The following GABRG1 variants were observed in gnomAD, a reference collection of about 807,000 sequenced individuals.
The protein encoded by GABRG1 is gamma-aminobutyric acid receptor subunit gamma-1.
GABRG1 carries 49 observed loss-of-function variants against 49.8 expected under a neutral mutation model. The observed-to-expected ratio is 0.98, with a 90% CI of 0.78 to 1.25. The LOEUF is 1.25. GABRG1 is among the 50% of genes most tolerant of loss of function. The pLI is 0.00. For synonymous variants in GABRG1, 232 were observed against 185.1 expected (o/e 1.25, Z -2.06); for missense variants, 552 against 552.3 (o/e 1.00, Z 0.01).
chr4:46,085,360 A>C (rs1719719202), intron 2 of GABRG1, among the ~76,000 whole-genome samples: 1 of 151,618 alleles, frequency 6.6e-6, no homozygotes, highest in Non-Finnish European at 1.5e-5. Flanking sequence ...GTTACATAGA[A>C]GCAGAGATAC....
chr4:46,097,319 CTCA>C lies in GABRG1; in HGVS notation c.132_134del (p.Asp44del). On this transcript the variant is annotated inframe_deletion, in exon 2 of 9. Transcript: ENST00000295452. ...CCCAGGTTTTGTTCACCGTTAAATC[CTCA>C]TCATCTTCATCATCTGCCTTATCAA... 1 of 1,608,832 alleles carries C rather than the reference CTCA, an allele frequency of 6.2e-7. No individual in the cohort carries two copies. The highest frequency in any genetic ancestry group is 8.5e-7 in the Non-Finnish European group (1 of 1,177,122).
chr4:46,119,024 TTAAAA>T (rs1235268846), intron 1 of GABRG1, among the ~76,000 whole-genome samples: 2 of 151,280 alleles, frequency 1.3e-5, no homozygotes, highest in Non-Finnish European at 3.0e-5. Context: ...ATAGCATCCT[TTAAAA>T]TAAGATAACC....
chr4:46,076,361 TCATATATATATATATATATA>T (rs1203327495), intron 3 of GABRG1, among the ~76,000 whole-genome samples: 1,727 of 78,144 alleles, frequency 0.022, 57 homozygotes, highest in Middle Eastern at 0.07. Flanking sequence ...TAGGTCATGT[TCATATATATATATATATATA>T]TATATATATA....
chr4:46,118,138 A>G (rs1439861324), intron 1 of GABRG1, among the ~76,000 whole-genome samples: 5 of 145,840 alleles, frequency 3.4e-5, no homozygotes, highest in African/African-American at 1.0e-4. Context: ...GTGTGTATAT[A>G]TATATATACA....
At chr4:46,103,395 T>C (rs1720444742) in intron 1 of GABRG1, among the ~76,000 whole-genome samples, 1 of 151,562 alleles carries the variant, frequency 6.6e-6, no homozygotes, top group Non-Finnish European at 1.5e-5. Context: ...TTGTCACTGG[T>C]ACTTCCTCAT....
intron 7 of GABRG1, among the ~76,000 whole-genome samples, chr4:46,056,105 A>T: frequency 3.2e-5 from 1 of 31,582 alleles, no homozygotes; most frequent in South Asian, 5.8e-4. Flanking sequence ...AGAGTATAAT[A>T]AAAAAAAAAA....
intron 1 of GABRG1, among the ~76,000 whole-genome samples, chr4:46,103,672 A>AAATC (rs1720451718): frequency 6.6e-6 from 1 of 151,428 alleles, no homozygotes; most frequent in African/African-American, 2.4e-5. Context: ...ATATGTTCAG[A>AAATC]AATCATGACT....
chr4:46,109,445 A>G (rs1720654007), intron 1 of GABRG1, among the ~76,000 whole-genome samples: 1 of 150,590 alleles, frequency 6.6e-6, no homozygotes, highest in African/African-American at 2.4e-5. Context: ...TCAGTCCATC[A>G]ATCTTGTTTA....
At chr4:46,056,766 GAT>G (rs2109401789) in intron 7 of GABRG1, among the ~76,000 whole-genome samples, 1 of 152,206 alleles carries the variant, frequency 6.6e-6, no homozygotes, top group Admixed American at 6.6e-5. Context: ...GTCTTGCAGT[GAT>G]ATGTGTGTGC....
chr4:46,107,910 T>A (rs1253851930), intron 1 of GABRG1, among the ~76,000 whole-genome samples: 1 of 151,188 alleles, frequency 6.6e-6, no homozygotes, highest in Non-Finnish European at 1.5e-5. Context: ...AATAATAGAA[T>A]AAGTATTTAC....
intron 3 of GABRG1, 148 bp from the exon 4 acceptor site, chr4:46,065,732 T>TG (rs1718892852): frequency 1.9e-6 from 1 of 520,672 alleles, no homozygotes; most frequent in Non-Finnish European, 3.4e-6. Flanking sequence ...TATTTTAAAC[T>TG]TTTTTTTTGA....
At chr4:46,118,101 T>C (rs1720981858) in intron 1 of GABRG1, among the ~76,000 whole-genome samples, 1 of 141,782 alleles carries the variant, frequency 7.1e-6, no homozygotes, top group Non-Finnish European at 1.5e-5. Flanking sequence ...TATACATATG[T>C]GTGTATATAT....
rs374524456 is a variant in GABRG1 at position 46,111,371 on chromosome 4, C to T, written c.104+12439G>A. 7.3e-5 allele frequency among the ~76,000 whole-genome samples: 11 copies of T among 150,986 alleles called. No individual in the cohort carries two copies. In the South Asian group the frequency reaches 1.2e-3, roughly 17 times the overall value. On this transcript the variant is annotated intron_variant, in intron 1 of 8. Coordinates refer to ENST00000295452, the MANE Select transcript of GABRG1 (RefSeq NM_173536.4). ...ACTCAAAGAAATGCAAAACATTTCA[C>T]GTTCATGGATTGGAATAAACAATAT...
rs565607601 is a variant in GABRG1 at position 46,098,016 on chromosome 4, T to C, written c.105-667A>G. Among the ~76,000 whole-genome samples the C allele has an allele frequency of 2.6e-5, 4 of 151,790 alleles. No individual in the cohort carries two copies. In the South Asian group the frequency reaches 8.3e-4, roughly 32 times the overall value. ...CATAACTATCACATTTTACTAGAAG[T>C]GATATTGGGGAGATCAAATAACTCT... On this transcript the variant is annotated intron_variant, in intron 1 of 8. Coordinates refer to ENST00000295452, the MANE Select transcript of GABRG1 (RefSeq NM_173536.4).
chr4:46,045,894 G>A (rs1483649914), intron 8 of GABRG1, among the ~76,000 whole-genome samples: 1 of 151,906 alleles, frequency 6.6e-6, no homozygotes, highest in Non-Finnish European at 1.5e-5. Context: ...TTAAAATACT[G>A]AGAAAGAGAA....
rs139972990 is a variant in GABRG1 at position 46,043,179 on chromosome 4, T to A, written c.1132-1925A>T. 3.1e-3 allele frequency among the ~76,000 whole-genome samples: 474 copies of A among 152,118 alleles called. 2 individuals are homozygous for A. Among genetic ancestry groups the A allele is most frequent in the African/African-American group, 0.011 (459 of 41,564 alleles). On this transcript the variant is annotated intron_variant, in intron 8 of 8. Transcript: ENST00000295452. ...ATATATGAAACGGCATTATCATAAA[T>A]GGAAATATGGTGTGTTTTTCAGAGG...
intron 5 of GABRG1, among the ~76,000 whole-genome samples, chr4:46,060,012 A>T (rs1718611872): frequency 6.6e-6 from 1 of 151,982 alleles, no homozygotes; most frequent in Non-Finnish European, 1.5e-5. Context: ...TTGTTAAGGA[A>T]AATGTTTTTG....
intron 1 of GABRG1, among the ~76,000 whole-genome samples, chr4:46,123,058 G>C (rs1721136274): frequency 6.7e-6 from 1 of 148,634 alleles, no homozygotes; most frequent in Admixed American, 6.7e-5. Flanking sequence ...TTTGTGATCG[G>C]TGACACTTTT....
At chr4:46,065,948 T>C (rs1412178682) in intron 3 of GABRG1, among the ~76,000 whole-genome samples, 2 of 152,086 alleles carry the variant, frequency 1.3e-5, no homozygotes, top group African/African-American at 2.4e-5. Context: ...GGTCTCGATC[T>C]CCTGACCTCG....
Sources: allele counts gnomAD v4.1 joint callset (sites outside exome capture counted in the v4.1 genomes callset), GRCh38; gene constraint gnomAD v4.1.1; transcripts MANE v1.5; gene names NCBI Gene and HGNC (gene_info 2026-07-23, HGNC 2026-07-21).